Variants in SRGAP2 observed in about 807,000 individuals in gnomAD.
The protein encoded by SRGAP2 is SLIT-ROBO Rho GTPase activating protein 2, also known as SLIT-ROBO Rho GTPase-activating protein 2.
SRGAP2 carries 15 observed loss-of-function variants against 57.2 expected under a neutral mutation model. The observed-to-expected ratio is 0.26, with a 90% CI of 0.18 to 0.40. The LOEUF is 0.40. Ranked by LOEUF, SRGAP2 falls within the 10% of genes least tolerant of loss-of-function variation. The probability of loss-of-function intolerance (pLI) is 1.00; values close to 1 mark genes in which losing one functional copy is unlikely to be tolerated. For synonymous variants in SRGAP2, 249 were observed against 248.0 expected (o/e 1.00, Z -0.04); for missense variants, 520 against 669.6 (o/e 0.78, Z 2.47).
At chr1:206,309,819 G>C (rs1278089206) in intron 3 of SRGAP2, among the ~76,000 whole-genome samples, 1 of 151,184 alleles carries the variant, frequency 6.6e-6, no homozygotes, top group Non-Finnish European at 1.5e-5. Flanking sequence ...TGGGAGAGAT[G>C]AAAGTATATG....
chr1:206,364,371 G>C (rs1261380689), intron 4 of SRGAP2, among the ~76,000 whole-genome samples: 4 of 135,750 alleles, frequency 2.9e-5, no homozygotes, highest in Non-Finnish European at 6.1e-5. Flanking sequence ...GCGCGATCTT[G>C]ACTCACTGTA....
chr1:206,357,576 T>A (rs1476390919), intron 4 of SRGAP2, among the ~76,000 whole-genome samples: 1 of 148,514 alleles, frequency 6.7e-6, no homozygotes, highest in African/African-American at 2.5e-5. Flanking sequence ...TCTTTGGCTA[T>A]GTTGTCTTTT....
chr1:206,440,834 C>T (rs768041145), intron 17 of SRGAP2, among the ~76,000 whole-genome samples: 1 of 152,160 alleles, frequency 6.6e-6, no homozygotes, highest in African/African-American at 2.4e-5. Context: ...CGTGAGCCAC[C>T]GCACCCGGCA....
At chr1:206,280,097 T>G (rs1394839029) in intron 2 of SRGAP2, among the ~76,000 whole-genome samples, 4 of 152,024 alleles carry the variant, frequency 2.6e-5, no homozygotes, top group Non-Finnish European at 5.9e-5. Context: ...GAATTTCATT[T>G]TGTGTACCTG....
At position 206,395,523 on chromosome 1, in the gene SRGAP2, G is replaced by A. The variant is rs552841152; in HGVS notation, c.831+1850G>A. On this transcript the variant is annotated intron_variant, in intron 7 of 22. Transcript: ENST00000573034. Reference sequence around the variant, plus strand: ...AGAGCTCCTCATTGTTGGGAGAGAGGCCTGTTCTCAGCATAAGGAAGAGAA... The same window carrying A: ...AGAGCTCCTCATTGTTGGGAGAGAGACCTGTTCTCAGCATAAGGAAGAGAA... 7.8e-4 allele frequency among the ~76,000 whole-genome samples: 107 copies of A among 137,102 alleles called. 1 individual carries two copies. Among genetic ancestry groups the A allele is most frequent in the African/African-American group, 3.0e-3 (99 of 32,966 alleles). The allele number at this position is 137,102 out of a possible 152,430, so 89.9% of individuals were successfully genotyped here.
At chr1:206,329,711 A>G (rs1236080283) in intron 3 of SRGAP2, among the ~76,000 whole-genome samples, 1 of 144,758 alleles carries the variant, frequency 6.9e-6, no homozygotes, top group Non-Finnish European at 1.5e-5. Flanking sequence ...TTGGGCTGAG[A>G]CGAAGGGGTT....
intron 3 of SRGAP2, among the ~76,000 whole-genome samples, chr1:206,322,863 T>A (rs879975938): frequency 1.6e-4 from 23 of 141,842 alleles, no homozygotes; most frequent in Admixed American, 4.1e-4. Flanking sequence ...TCTGCTCAGC[T>A]CTTGGTGGGG....
chr1:206,381,472 T>C (rs1167130972), intron 4 of SRGAP2, among the ~76,000 whole-genome samples: 27 of 73,698 alleles, frequency 3.7e-4, no homozygotes, highest in African/African-American at 1.3e-3. Flanking sequence ...TCCTTGGGCC[T>C]CTGTTGCTTC....
chr1:206,210,108 C>T (rs1281789944), intron 2 of SRGAP2, among the ~76,000 whole-genome samples: 1 of 149,864 alleles, frequency 6.7e-6, no homozygotes, highest in East Asian at 2.0e-4. Flanking sequence ...AGCCTGTTAG[C>T]TTGTTGCTGG....
rs1465635832 is a variant in SRGAP2 at position 206,462,333 on chromosome 1, T to C, written c.*913T>C. On this transcript the variant is annotated 3_prime_UTR_variant, in exon 23 of 23. Coordinates refer to ENST00000573034, the MANE Select transcript of SRGAP2 (RefSeq NM_015326.5). ...ATTTTCCATTTAAGACATTTTCCTGTATAAGACAGTTTTATAGCTGGTTCC... is the reference window on the plus strand; with the variant it reads ...ATTTTCCATTTAAGACATTTTCCTGCATAAGACAGTTTTATAGCTGGTTCC... 6.5e-6 allele frequency: 1 copy of C among 152,680 alleles called. No individual in the cohort carries two copies. The highest frequency in any genetic ancestry group is 1.5e-5 in the Non-Finnish European group (1 of 68,050). 9.5% of individuals were successfully genotyped at this position (152,680 alleles called of 1,614,324 possible).
rs1553342935 is a variant in SRGAP2, at chr1:206,372,964, C to CTTTCTTTCCTTTCTTT, written c.424-11050_424-11049insTTTCTTTCCTTTCTTT. Reference sequence around the variant, plus strand: ...CTTTCTTTCTTTCTTTCTTTTCTTTCCTTTCTTTCTTTCTTTCTTTCTTTC... The same window carrying CTTTCTTTCCTTTCTTT: ...CTTTCTTTCTTTCTTTCTTTTCTTTCTTTCTTTCCTTTCTTTCTTTCTTTCTTTCTTTCTTTCTTTC... On this transcript the variant is annotated intron_variant, in intron 4 of 22. Coordinates refer to ENST00000573034, the MANE Select transcript of SRGAP2 (RefSeq NM_015326.5). Among the ~76,000 whole-genome samples the CTTTCTTTCCTTTCTTT allele has an allele frequency of 1.3e-4, 3 of 23,342 alleles. 1 individual carries two copies. Among genetic ancestry groups the CTTTCTTTCCTTTCTTT allele is most frequent in the Non-Finnish European group, 2.3e-4 (3 of 13,092 alleles). 15.3% of individuals were successfully genotyped at this position (23,342 alleles called of 152,430 possible). A position where few individuals can be genotyped will look rare whatever the true frequency, so the allele number is the denominator to read the frequency against.
intron 2 of SRGAP2, among the ~76,000 whole-genome samples, chr1:206,278,338 TCTA>T (rs1312068144): frequency 6.0e-5 from 9 of 150,244 alleles, no homozygotes; most frequent in Non-Finnish European, 1.0e-4. Context: ...TCTTCTTTCT[TCTA>T]CTTTTTTTTT....
At chr1:206,291,232 C>T (rs1671301189) in intron 2 of SRGAP2, among the ~76,000 whole-genome samples, 4 of 151,808 alleles carry the variant, frequency 2.6e-5, no homozygotes, top group Admixed American at 2.6e-4. Context: ...TTAAACACAT[C>T]TAGGTTCAAA....
At chr1:206,431,395 G>C (rs1661266666) in intron 14 of SRGAP2, among the ~76,000 whole-genome samples, 1 of 152,168 alleles carries the variant, frequency 6.6e-6, no homozygotes, top group South Asian at 2.1e-4. Context: ...CAAGTGATAA[G>C]TTAAATAAAA....
chr1:206,446,609 G>A (rs1224296219), intron 18 of SRGAP2, among the ~76,000 whole-genome samples: 1 of 152,178 alleles, frequency 6.6e-6, no homozygotes, highest in Non-Finnish European at 1.5e-5. Flanking sequence ...ATCTAGAAGT[G>A]ATCTTTATTC....
intron 2 of SRGAP2, chr1:206,296,760 G>A (rs1671622254): frequency 6.6e-6 from 1 of 151,724 alleles, no homozygotes; most frequent in South Asian, 2.1e-4. Flanking sequence ...ATAGAGTAAA[G>A]TAATGCAGAA....
chr1:206,439,755 C>T (rs1251547832), intron 16 of SRGAP2, among the ~76,000 whole-genome samples: 1 of 152,188 alleles, frequency 6.6e-6, no homozygotes, highest in Non-Finnish European at 1.5e-5. Context: ...ATACACCTTA[C>T]ATCCGGCAAT....
At chr1:206,441,364 T>A (rs1662285506) in intron 17 of SRGAP2, among the ~76,000 whole-genome samples, 1 of 152,070 alleles carries the variant, frequency 6.6e-6, no homozygotes, top group Non-Finnish European at 1.5e-5. Context: ...ACAACAAAGG[T>A]CTGAGGAGCA....
chr1:206,394,314 G>A (rs1419021194), intron 7 of SRGAP2, among the ~76,000 whole-genome samples: 4 of 151,822 alleles, frequency 2.6e-5, no homozygotes, highest in African/African-American at 7.3e-5. Context: ...CACCTGCCTC[G>A]ACTTCCCAAA....
Sources: gnomAD v4.1 joint callset for allele counts (sites outside exome capture counted in the v4.1 genomes callset) on GRCh38, gnomAD v4.1.1 for gene constraint, MANE v1.5 for transcripts, NCBI Gene and HGNC (gene_info 2026-07-23, HGNC 2026-07-21) for gene names.